PRXL2C: variants seen among roughly 807,000 people sequenced by gnomAD.
The protein encoded by PRXL2C is peroxiredoxin-like 2C.
PRXL2C carries 38 observed loss-of-function variants against 24.9 expected under a neutral mutation model. The ratio of observed to expected loss-of-function variants is 1.53; its 90% CI spans 1.18 to 2.00. PRXL2C has a LOEUF of 2.00. PRXL2C is among the 30% of genes most tolerant of loss of function. The pLI, the probability that PRXL2C is intolerant of heterozygous loss-of-function variation, is 0.00. For missense variants in PRXL2C, 294 were observed against 290.9 expected (o/e 1.01, Z -0.08); for synonymous variants, 98 against 117.2 (o/e 0.84, Z 1.06).
chr9:96,641,653 G>T lies in PRXL2C; in HGVS notation c.*106C>A. The T allele has an allele frequency of 1.7e-6, 2 of 1,205,170 alleles. No homozygotes were observed. Among genetic ancestry groups the T allele is most frequent in the Non-Finnish European group, 2.2e-6 (2 of 912,888 alleles). The allele number at this position is 1,205,170 out of a possible 1,614,324, so 74.7% of individuals were successfully genotyped here. On this transcript the variant is annotated 3_prime_UTR_variant, in exon 6 of 6. Transcript: ENST00000375234. ...CTTTATGCTTCCCTAACTCCTCAAA[G>T]GCTGGGAAGGGACAGCAGGTTAGAC... is the stretch of plus-strand genomic sequence containing the variant.
At chr9:96,642,277 A>G (rs1201871354) in intron 5 of PRXL2C, among the ~76,000 whole-genome samples, 1 of 152,158 alleles carries the variant, frequency 6.6e-6, no homozygotes, top group Non-Finnish European at 1.5e-5. Flanking sequence ...TAATAAGGAA[A>G]TAAATCACTC....
chr9:96,653,205 C>T (rs900392433), intron 2 of PRXL2C, among the ~76,000 whole-genome samples: 4 of 147,322 alleles, frequency 2.7e-5, no homozygotes, highest in African/African-American at 5.1e-5. Context: ...CCAGCCTGGG[C>T]GATAGAGTGA....
In PRXL2C at chr9:96,641,686, G is replaced by A. The variant is rs546934940; in HGVS notation, c.*73C>T. 3.5e-5 allele frequency: 50 copies of A among 1,434,114 alleles called. No homozygotes were observed. The Middle Eastern group carries it at 7.7e-4, about 22-fold the overall frequency. 88.8% of individuals were successfully genotyped at this position (1,434,114 alleles called of 1,614,324 possible). A position where few individuals can be genotyped will look rare whatever the true frequency, so the allele number is the denominator to read the frequency against. On this transcript the variant is annotated 3_prime_UTR_variant, in exon 6 of 6. Coordinates refer to ENST00000375234, the MANE Select transcript of PRXL2C (RefSeq NM_153698.2). ...AGGGACAGCAGGTTAGACACTGCAC[G>A]AGGATATTACACCCAGGCATTGAAG... is the stretch of plus-strand genomic sequence containing the variant.
chr9:96,648,962 A>G lies in PRXL2C; in HGVS notation c.421+2428T>C, dbSNP rs368049505. 2.6e-3 allele frequency among the ~76,000 whole-genome samples: 400 copies of G among 152,184 alleles called. 4 individuals carry two copies. The highest frequency in any genetic ancestry group is 8.5e-3 in the African/African-American group (353 of 41,544). ...CTAATTTCATATTTTTAGTAGAGAC[A>G]GGGTTTCTCCATGTTGGTCAGGCTG... On this transcript the variant is annotated intron_variant, in intron 4 of 5. Transcript: ENST00000375234.
intron 4 of PRXL2C, among the ~76,000 whole-genome samples, chr9:96,648,686 A>G (rs2119183087): frequency 6.6e-6 from 1 of 152,326 alleles, no homozygotes; most frequent in East Asian, 1.9e-4. Flanking sequence ...CTTAGTATTC[A>G]TCTATTTAGT....
chr9:96,653,571 C>T (rs1248906942), intron 2 of PRXL2C, among the ~76,000 whole-genome samples: 2 of 152,152 alleles, frequency 1.3e-5, no homozygotes, highest in Non-Finnish European at 2.9e-5. Context: ...TGCTAAAAGA[C>T]TAGTTTTTAC....
chr9:96,650,029 C>T (rs565501156), intron 4 of PRXL2C, among the ~76,000 whole-genome samples: 1 of 152,308 alleles, frequency 6.6e-6, no homozygotes, highest in African/African-American at 2.4e-5. Flanking sequence ...CCTTCCCCAC[C>T]CTCATTTCAC....
intron 2 of PRXL2C, among the ~76,000 whole-genome samples, chr9:96,654,306 A>G (rs1848316245): frequency 6.6e-6 from 1 of 152,382 alleles, no homozygotes; most frequent in East Asian, 1.9e-4. Flanking sequence ...TCCTAGGGAC[A>G]TGGAACTTGC....
rs1317142321 is a variant in PRXL2C at position 96,655,102 on chromosome 9, C to CA, written c.179dup (p.Val61GlyfsTer45). On this transcript the variant is annotated frameshift_variant, in exon 1 of 6. Transcript: ENST00000375234. LOFTEE classifies it high-confidence loss of function. ...GCCGCCCGCTCACCCGCACGAACAC[C>CA]ACCACGGCGCGGCGCTCCCGGAACA... The CA allele has an allele frequency of 6.9e-7, 1 of 1,442,774 alleles. No individual in the cohort carries two copies. Among genetic ancestry groups the CA allele is most frequent in the East Asian group, 3.1e-5 (1 of 32,030 alleles). 89.4% of individuals were successfully genotyped at this position (1,442,774 alleles called of 1,614,324 possible). A position where few individuals can be genotyped will look rare whatever the true frequency, so the allele number is the denominator to read the frequency against.
chr9:96,646,454 T>C (rs147821344), intron 4 of PRXL2C, among the ~76,000 whole-genome samples: 1,667 of 152,346 alleles, frequency 0.011, 17 homozygotes, highest in Middle Eastern at 0.058. Flanking sequence ...CTGTTTAGTC[T>C]CACTTATTAA....
At chr9:96,652,981 A>G (rs1203921414) in intron 2 of PRXL2C, among the ~76,000 whole-genome samples, 1 of 152,116 alleles carries the variant, frequency 6.6e-6, no homozygotes, top group East Asian at 1.9e-4. Context: ...TAATCCCAGC[A>G]CTTTGGGAGG....
At chr9:96,645,666 G>C (rs937191913) in intron 5 of PRXL2C, among the ~76,000 whole-genome samples, 1 of 151,850 alleles carries the variant, frequency 6.6e-6, no homozygotes, top group Admixed American at 6.6e-5. Flanking sequence ...GCGTCGTGGC[G>C]GGCACCTGTA....
In PRXL2C at chr9:96,654,753, G is replaced by A. The variant is rs755727167; in HGVS notation, c.213C>T (p.Cys71=). The A allele has an allele frequency of 6.4e-7, 1 of 1,566,518 alleles. No individual in the cohort carries two copies. The highest frequency in any genetic ancestry group is 1.9e-5 in the Admixed American group (1 of 52,786). ...TGGCCAGATCCTCTACGTATTCCTT[G>A]CAGATGTAACACAGGAAATGCTGAA... The part of the protein sequence containing the change: ...VFVRHFLCYI[C]KEYVEDLAKI... Residue 71 remains cysteine, a synonymous_variant, in exon 2 of 6, where the codon TGC becomes TGT. Transcript: ENST00000375234.
In PRXL2C at chr9:96,645,884, G is replaced by A. The variant is rs1014511952; in HGVS notation, c.553+9C>T. 6.3e-7 allele frequency: 1 copy of A among 1,598,808 alleles called. No individual in the cohort carries two copies. The highest frequency in any genetic ancestry group is 1.4e-5 in the African/African-American group (1 of 73,786). ...ACGTCTACTGCTGAACCTGGGCTTT[G>A]ATGCTTACCTGGACCTAAAATGAGG... On this transcript the variant is annotated intron_variant, in intron 5 of 5. Transcript: ENST00000375234.
rs757895665 is a variant in PRXL2C, at chr9:96,651,467, T to A, written c.344A>T (p.His115Leu). 1 of 1,612,864 alleles carries A rather than the reference T, an allele frequency of 6.2e-7. No homozygotes were observed. The highest frequency in any genetic ancestry group is 8.5e-7 in the Non-Finnish European group (1 of 1,179,748). The part of the protein sequence containing the change: ...EPFCKLTGYS[H>L]EIYVDPEREI... The stretch of plus-strand genomic sequence containing the variant: ...TCTCTCAGGATCGACATAGATTTCA[T>A]GAGAATATCCAGTCAGCTTGCAAAA... Residue 115 changes from histidine (H) to leucine (L), a missense_variant, in exon 4 of 6, where the codon CAT (histidine) becomes CTT (leucine). Transcript: ENST00000375234.
Position 96,651,377 on chromosome 9 carries a change from T to A in PRXL2C, c.421+13A>T. 6.4e-7 allele frequency: 1 copy of A among 1,556,584 alleles called. No homozygotes were observed. On this transcript the variant is annotated intron_variant, in intron 4 of 5. Coordinates refer to ENST00000375234, the MANE Select transcript of PRXL2C (RefSeq NM_153698.2). ...CCACCAGTGTTTTCTATTTGAGACATGTTATGTCTTACCTGAGGAAGCAAT... is the reference window on the plus strand; with the variant it reads ...CCACCAGTGTTTTCTATTTGAGACAAGTTATGTCTTACCTGAGGAAGCAAT...
chr9:96,651,748 G>C lies in PRXL2C; in HGVS notation c.262-36C>G, dbSNP rs1470214550. On this transcript the variant is annotated intron_variant, in intron 2 of 5. Transcript: ENST00000375234. Reference sequence around the variant, plus strand: ...AAAAAAGGACATGTATATATCATTAGAAATTATGCATGTTTTATACAACAT... The same window carrying C: ...AAAAAAGGACATGTATATATCATTACAAATTATGCATGTTTTATACAACAT... 3.3e-6 allele frequency: 5 copies of C among 1,531,658 alleles called. No homozygotes were observed. The Admixed American group carries it at 7.3e-5, about 22-fold the overall frequency. The allele number at this position is 1,531,658 out of a possible 1,614,324, so 94.9% of individuals were successfully genotyped here.
intron 2 of PRXL2C, 137 bp downstream of exon 2, chr9:96,654,568 T>C (rs1848321731): frequency 9.6e-6 from 7 of 725,772 alleles, no homozygotes; most frequent in South Asian, 8.9e-5. Context: ...TCACTCCTTT[T>C]GGAGGGGCGA....
intron 4 of PRXL2C, among the ~76,000 whole-genome samples, chr9:96,646,721 A>T (rs1251303321): frequency 6.6e-6 from 1 of 152,180 alleles, no homozygotes; most frequent in African/African-American, 2.4e-5. Context: ...AAAGCACAAG[A>T]TGGAGGGTGC....
Sources: gnomAD v4.1 joint callset for allele counts (sites outside exome capture counted in the v4.1 genomes callset) on GRCh38, gnomAD v4.1.1 for gene constraint, MANE v1.5 for transcripts, NCBI Gene and HGNC (gene_info 2026-07-23, HGNC 2026-07-21) for gene names.